Variants in EXOC7 observed in about 807,000 individuals in gnomAD.
EXOC7 encodes the protein exocyst complex component Exo70.
A neutral mutation model predicts 87.6 loss-of-function variants in EXOC7; 51 were observed. The ratio of observed to expected loss-of-function variants is 0.58; its 90% CI spans 0.46 to 0.73. EXOC7 has a LOEUF of 0.73. Among genes scored for constraint, EXOC7 ranks in the 30% least tolerant of loss-of-function variants. EXOC7 has a pLI of 0.00. For missense variants in EXOC7, 744 were observed against 888.4 expected (o/e 0.84, Z 2.07); for synonymous variants, 327 against 357.1 (o/e 0.92, Z 0.95).
In EXOC7 at chr17:76,082,852, G is replaced by T; in HGVS notation, c.*796C>A. On this transcript the variant is annotated 3_prime_UTR_variant, in exon 19 of 19. Coordinates refer to ENST00000589210, the MANE Select transcript of EXOC7 (RefSeq NM_001013839.4). ...TTCAATCTCGTCCTAAATAGGTGGG[G>T]CCCTATTTTTTGCTTCCAACCCCCA... 1 of 469,506 alleles carries T rather than the reference G, an allele frequency of 2.1e-6. No individual in the cohort carries two copies. Among genetic ancestry groups the T allele is most frequent in the Middle Eastern group, 5.7e-4 (1 of 1,760 alleles). 29.1% of individuals were successfully genotyped at this position (469,506 alleles called of 1,614,324 possible).
chr17:76,102,361 G>A (rs1641710303), intron 2 of EXOC7, among the ~76,000 whole-genome samples: 1 of 152,022 alleles, frequency 6.6e-6, no homozygotes, highest in African/African-American at 2.4e-5. Context: ...GTTAGCTTGA[G>A]ACTAGGAGTT....
chr17:76,081,893 A>G lies in EXOC7; in HGVS notation c.*1755T>C, dbSNP rs1454876052. The stretch of plus-strand genomic sequence containing the variant: ...CCTGCCTCCCCCAGTTTACTACTTC[A>G]CCATCCTGCTGCTGCTGCTCTTCCT... On this transcript the variant is annotated 3_prime_UTR_variant, in exon 19 of 19. Coordinates refer to ENST00000589210, the MANE Select transcript of EXOC7 (RefSeq NM_001013839.4). 6.2e-7 allele frequency: 1 copy of G among 1,609,658 alleles called. No individual in the cohort carries two copies. The highest frequency in any genetic ancestry group is 8.5e-7 in the Non-Finnish European group (1 of 1,177,448).
At chr17:76,092,270 G>A (rs1868820) in intron 6 of EXOC7, 71,670 of 147,894 alleles carry the variant, frequency 0.48, 17,814 homozygotes, top group South Asian at 0.66. Flanking sequence ...GCACCGCACC[G>A]CACAACACCA....
intron 18 of EXOC7, 88 bp from the exon 19 acceptor site, chr17:76,083,838 A>G: frequency 6.5e-7 from 1 of 1,532,414 alleles, no homozygotes; most frequent in Admixed American, 1.8e-5. Context: ...TAGTCTTGGA[A>G]GGGGTGGCCC....
Position 76,101,882 on chromosome 17 carries a change from T to C in EXOC7, c.127-19A>G. On this transcript the variant is annotated intron_variant, in intron 2 of 18. Coordinates refer to ENST00000589210, the MANE Select transcript of EXOC7 (RefSeq NM_001013839.4). ...TAGACACCTGCGGGAGGGAAGCCTC[T>C]TGATCTTGGGACTCACAGTGGTCCC... The C allele has an allele frequency of 6.3e-7, 1 of 1,598,774 alleles. No homozygotes were observed. The highest frequency in any genetic ancestry group is 8.5e-7 in the Non-Finnish European group (1 of 1,171,958).
intron 2 of EXOC7, among the ~76,000 whole-genome samples, chr17:76,102,197 C>T (rs560919298): frequency 2.0e-5 from 3 of 152,174 alleles, no homozygotes; most frequent in African/African-American, 4.8e-5. Flanking sequence ...CATTCCTAAA[C>T]CGGACTGGAA....
At chr17:76,098,126 C>T in intron 4 of EXOC7, 108 bp from the exon 5 acceptor site, 1 of 872,520 alleles carries the variant, frequency 1.1e-6, no homozygotes, top group Non-Finnish European at 1.8e-6. Flanking sequence ...GGCCTCTGCC[C>T]TTTTCTGCCC....
intron 4 of EXOC7, among the ~76,000 whole-genome samples, chr17:76,099,400 G>A (rs1381005530): frequency 1.3e-5 from 2 of 152,098 alleles, no homozygotes; most frequent in African/African-American, 4.8e-5. Context: ...CCAGCTACTC[G>A]GGAGGCTGGG....
intron 11 of EXOC7, 58 bp downstream of exon 11, chr17:76,088,002 G>A: frequency 6.3e-7 from 1 of 1,589,888 alleles, no homozygotes; most frequent in South Asian, 1.1e-5. Flanking sequence ...CCTGGCCCTG[G>A]GCCTGGGCCT....
chr17:76,085,697 G>GT lies in EXOC7; in HGVS notation c.1595dup (p.Tyr532Ter). ...CTTACTTCTCCAGGGACTTGAGGAT[G>GT]TAATTGTAGTTGTTGTGCAGGAAGA... ...SAIFLHNNYN[Y>*]ILKSLEKSEL... Residue 532 changes from tyrosine to a stop codon, truncating the protein, a stop_gained and frameshift_variant, in exon 14 of 19, where the codon TAC (tyrosine) becomes TAAC (stop). Coordinates refer to ENST00000589210, the MANE Select transcript of EXOC7 (RefSeq NM_001013839.4). LOFTEE classifies it high-confidence loss of function. 1 of 1,614,154 alleles carries GT rather than the reference G, an allele frequency of 6.2e-7. No homozygotes were observed. The highest frequency in any genetic ancestry group is 8.5e-7 in the Non-Finnish European group (1 of 1,180,034).
At chr17:76,085,143 G>A in intron 15 of EXOC7, 171 bp downstream of exon 15, 2 of 628,792 alleles carry the variant, frequency 3.2e-6, no homozygotes, top group Non-Finnish European at 5.6e-6. Flanking sequence ...TAGTGGTAGA[G>A]GAGGGGGCTT....
Position 76,082,548 on chromosome 17 carries a change from G to A in EXOC7, c.*1100C>T. 4 of 1,613,872 alleles carry A rather than the reference G, an allele frequency of 2.5e-6. No individual in the cohort carries two copies. The highest frequency in any genetic ancestry group is 3.4e-6 in the Non-Finnish European group (4 of 1,179,954). ...TCTTCCTCGTGTATGTGGTTGGGGT[G>A]CTGTGCACCCAATTCGTCTTTGCAG... On this transcript the variant is annotated 3_prime_UTR_variant, in exon 19 of 19. Transcript: ENST00000589210.
chr17:76,102,407 TACACACACAGAC>T (rs747359360), intron 2 of EXOC7, among the ~76,000 whole-genome samples: 238 of 122,498 alleles, frequency 1.9e-3, no homozygotes, highest in Middle Eastern at 3.8e-3. Flanking sequence ...AGACCCTGTC[TACACACACAGAC>T]ACACACACAC....
At chr17:76,095,632 CAGAT>C (rs1204610742) in intron 5 of EXOC7, among the ~76,000 whole-genome samples, 4 of 152,092 alleles carry the variant, frequency 2.6e-5, no homozygotes, top group African/African-American at 7.2e-5. Flanking sequence ...ATAGTCCTAT[CAGAT>C]AGCAAAAACA....
rs1183550151 is a variant in EXOC7 at position 76,101,327 on chromosome 17, T to C, written c.361A>G (p.Lys121Glu). 2 of 1,614,076 alleles carry C rather than the reference T, an allele frequency of 1.2e-6. No individual in the cohort carries two copies. Among genetic ancestry groups the C allele is most frequent in the East Asian group, 4.5e-5 (2 of 44,866 alleles). Residue 121 changes from lysine to glutamate, a missense_variant, in exon 4 of 19, where the codon AAG becomes GAG. Lys to Glu is a moderately conservative substitution (Grantham distance 56). Around this residue, in one of 3 missense-constraint regions of EXOC7, gnomAD observed 512 missense variants for 573.0 expected, o/e 0.89. Transcript: ENST00000589210. ...TTGTCCTGGAAATACTCCACTGCCT[T>C]CTGAATCTTGGCCATGCTTCCCAGG... ...EYLGSMAKIQ[K>E]AVEYFQDNSP...
rs957702804 is a variant in EXOC7 at position 76,086,897 on chromosome 17, G to A, written c.1430-752C>T. 21 of 1,551,186 alleles carry A rather than the reference G, an allele frequency of 1.4e-5. No homozygotes were observed. In the Admixed American group the frequency reaches 2.4e-4, roughly 17 times the overall value. ...TATTGTATGTGTCCCCAAGAACTAC[G>A]GAGTGAAAGGCAGTGCACACAGAGG... On this transcript the variant is annotated intron_variant, in intron 12 of 18. Coordinates refer to ENST00000589210, the MANE Select transcript of EXOC7 (RefSeq NM_001013839.4).
intron 8 of EXOC7, 115 bp from the exon 9 acceptor site, chr17:76,089,038 G>C (rs146314439): frequency 1.4e-6 from 2 of 1,473,228 alleles, no homozygotes; most frequent in Non-Finnish European, 1.9e-6. Flanking sequence ...AGGGGTGACG[G>C]GGAGGTGGTG....
At position 76,088,515 on chromosome 17, in the gene EXOC7, G is replaced by A. The variant is rs2067316823; in HGVS notation, c.1248C>T (p.Ser416=). 3 of 1,613,994 alleles carry A rather than the reference G, an allele frequency of 1.9e-6. No individual in the cohort carries two copies. The highest frequency in any genetic ancestry group is 1.7e-5 in the Admixed American group (1 of 60,004). The change falls in exon 10 of 19, where the codon TCC becomes TCT. Residue 416 remains serine (S), a synonymous_variant. Coordinates refer to ENST00000589210, the MANE Select transcript of EXOC7 (RefSeq NM_001013839.4). ...GCGCTTTGGCACCGATGGTCTCCAT[G>A]GATGTGATGAGGCCAGGCAGCTTGT... ...TKNKLPGLIT[S]METIGAKALE...
rs1437195211 is a variant in EXOC7, at chr17:76,103,655, T to C, written c.38A>G (p.Glu13Gly). Residue 13 changes from glutamate to glycine, a missense_variant, in exon 1 of 19, where the codon GAG becomes GGG. Around this residue, in one of 3 missense-constraint regions of EXOC7, gnomAD observed 512 missense variants for 573.0 expected, o/e 0.89. Transcript: ENST00000589210. ...PPQEASARRR[E>G]IEDKLKQEEE... ...CACCTGCTTCAGCTTGTCCTCAATC[T>C]CCCGCCGTCGAGCGGATGCCTCCTG... is the stretch of plus-strand genomic sequence containing the variant. The C allele has an allele frequency of 6.2e-7, 1 of 1,613,028 alleles. No individual in the cohort carries two copies. The highest frequency in any genetic ancestry group is 1.1e-5 in the South Asian group (1 of 90,928).
Sources: allele counts gnomAD v4.1 joint callset (sites outside exome capture counted in the v4.1 genomes callset), GRCh38; gene constraint gnomAD v4.1.1; regional missense constraint gnomAD v4.1.1; transcripts MANE v1.5; gene names NCBI Gene and HGNC (gene_info 2026-07-23, HGNC 2026-07-21).